POFUT3: variants seen among roughly 807,000 people sequenced by gnomAD.
The protein encoded by POFUT3 is GDP-fucose protein O-fucosyltransferase 3.
At chr8:33,364,904 A>C in the POFUT3 span, among the ~76,000 whole-genome samples, 1 of 152,158 alleles carries the variant, frequency 6.6e-6, no homozygotes, top group African/African-American at 2.4e-5. Context: ...AATTGGAAAA[A>C]CCGACTTTAA....
the POFUT3 span, among the ~76,000 whole-genome samples, chr8:33,387,973 C>G: frequency 6.6e-6 from 1 of 152,082 alleles, no homozygotes; most frequent in Non-Finnish European, 1.5e-5. Context: ...TTCCTTTGAA[C>G]AAATTAAGTT....
chr8:33,458,729 A>G, the POFUT3 span, among the ~76,000 whole-genome samples: 4 of 152,024 alleles, frequency 2.6e-5, no homozygotes, highest in African/African-American at 9.7e-5. Context: ...ACAAAAAACA[A>G]AAACAAAAAC....
the POFUT3 span, among the ~76,000 whole-genome samples, chr8:33,339,498 A>G: frequency 0.27 from 41,726 of 152,086 alleles, 6,274 homozygotes; most frequent in South Asian, 0.5. Flanking sequence ...AAGAAAGAAA[A>G]TGGGGCTAAA....
At chr8:33,462,718 C>T in the POFUT3 span, among the ~76,000 whole-genome samples, 1 of 151,894 alleles carries the variant, frequency 6.6e-6, no homozygotes, top group Non-Finnish European at 1.5e-5. Context: ...TGGCTTGTGC[C>T]CAGGAGTTTG....
At chr8:33,404,508 T>C in the POFUT3 span, among the ~76,000 whole-genome samples, 1 of 152,152 alleles carries the variant, frequency 6.6e-6, no homozygotes, top group East Asian at 1.9e-4. Flanking sequence ...TGTGGAGAAA[T>C]GGCAGAGTAA....
chr8:33,351,178 C>T, the POFUT3 span, among the ~76,000 whole-genome samples: 10 of 152,292 alleles, frequency 6.6e-5, no homozygotes, highest in South Asian at 2.1e-3. Flanking sequence ...TGGTCACAAA[C>T]TCCTGACCTC....
chr8:33,453,631 C>T, the POFUT3 span: 2 of 829,116 alleles, frequency 2.4e-6, no homozygotes, highest in Non-Finnish European at 3.9e-6. Context: ...CAAATTACCA[C>T]AAACAGTAAT....
the POFUT3 span, chr8:33,389,129 G>C: frequency 6.2e-7 from 1 of 1,613,962 alleles, no homozygotes; most frequent in Non-Finnish European, 8.5e-7. Context: ...TTCTACATAG[G>C]CCTCATACAA....
the POFUT3 span, among the ~76,000 whole-genome samples, chr8:33,430,264 A>G: frequency 2.0e-5 from 3 of 152,152 alleles, no homozygotes; most frequent in Non-Finnish European, 4.4e-5. Context: ...TGCCCCAAAA[A>G]TCAAAAATGG....
At chr8:33,436,862 T>C in the POFUT3 span, among the ~76,000 whole-genome samples, 102,108 of 152,020 alleles carry the variant, frequency 0.67, 34,890 homozygotes, top group African/African-American at 0.78. Context: ...GATCTCGTTA[T>C]CCAGGTACTG....
the POFUT3 span, among the ~76,000 whole-genome samples, chr8:33,346,333 T>C: frequency 4.6e-5 from 7 of 152,210 alleles, no homozygotes; most frequent in Admixed American, 6.5e-5. Flanking sequence ...AACCCTTCTC[T>C]ATTAAGCACC....
At chr8:33,462,535 T>A in the POFUT3 span, among the ~76,000 whole-genome samples, 3 of 152,218 alleles carry the variant, frequency 2.0e-5, no homozygotes. Context: ...AGCAAGTGAA[T>A]AAAGCAGTGG....
the POFUT3 span, among the ~76,000 whole-genome samples, chr8:33,429,612 C>T: frequency 1.8e-4 from 27 of 151,588 alleles, no homozygotes; most frequent in African/African-American, 6.5e-4. Flanking sequence ...GAGGAAGAGA[C>T]AGACACAAAA....
chr8:33,323,753 T>C, the POFUT3 span, among the ~76,000 whole-genome samples: 1 of 152,168 alleles, frequency 6.6e-6, no homozygotes, highest in Non-Finnish European at 1.5e-5. Flanking sequence ...AGAAACCTTA[T>C]AATAAGTGAA....
the POFUT3 span, among the ~76,000 whole-genome samples, chr8:33,313,640 A>G: frequency 6.6e-6 from 1 of 152,164 alleles, no homozygotes; most frequent in Non-Finnish European, 1.5e-5. Context: ...ACAGAATAAA[A>G]TGGAACCATC....
chr8:33,421,199 A>G, the POFUT3 span, among the ~76,000 whole-genome samples: 2,914 of 152,252 alleles, frequency 0.019, 99 homozygotes, highest in African/African-American at 0.067. Flanking sequence ...TTATCTATGG[A>G]ATGAAATGAA....
chr8:33,469,261 G>C, the POFUT3 span, among the ~76,000 whole-genome samples: 1 of 152,136 alleles, frequency 6.6e-6, no homozygotes, highest in South Asian at 2.1e-4. Flanking sequence ...AGCCGAGATC[G>C]CGCCACTGCA....
At chr8:33,457,327 C>T in the POFUT3 span, among the ~76,000 whole-genome samples, 1 of 152,000 alleles carries the variant, frequency 6.6e-6, no homozygotes, top group African/African-American at 2.4e-5. Flanking sequence ...CATGCCCTGT[C>T]TCTCCTAAAA....
chr8:33,353,366 C>T, the POFUT3 span, among the ~76,000 whole-genome samples: 85 of 152,248 alleles, frequency 5.6e-4, 4 homozygotes, highest in South Asian at 0.011. Context: ...GCTGAACTCA[C>T]GCATGTTTTG....
Sources: allele counts gnomAD v4.1 joint callset (sites outside exome capture counted in the v4.1 genomes callset), GRCh38; gene constraint gnomAD v4.1.1; transcripts MANE v1.5; gene names NCBI Gene and HGNC (gene_info 2026-07-23, HGNC 2026-07-21).